The following AGAP1 variants were observed in gnomAD, a reference collection of about 807,000 sequenced individuals.
AGAP1 encodes the protein ArfGAP with GTPase domain, ankyrin repeat and PH domain 1, also known as arf-GAP with GTPase, ANK repeat and PH domain-containing protein 1.
AGAP1 carries 29 observed loss-of-function variants against 105.3 expected under a neutral mutation model. The observed-to-expected ratio is 0.28, with a 90% CI of 0.21 to 0.38. The LOEUF (loss-of-function observed/expected upper bound fraction) is 0.38, where lower values mean the gene tolerates loss of function less well. Among genes scored for constraint, AGAP1 ranks in the 10% least tolerant of loss-of-function variants. The pLI, the probability that AGAP1 is intolerant of heterozygous loss-of-function variation, is 1.00. For synonymous variants in AGAP1, 509 were observed against 485.9 expected (o/e 1.05, Z -0.63); for missense variants, 998 against 1,165.1 (o/e 0.86, Z 2.09).
intron 6 of AGAP1, chr2:235,773,967 A>G (rs1955660343): frequency 6.4e-6 from 3 of 470,802 alleles, no homozygotes; most frequent in Non-Finnish European, 1.3e-5. Flanking sequence ...CCATTCAGCC[A>G]ACTTTTTTTC....
At chr2:235,915,295 G>T (rs2051818332) in intron 11 of AGAP1, among the ~76,000 whole-genome samples, 1 of 152,164 alleles carries the variant, frequency 6.6e-6, no homozygotes, top group Non-Finnish European at 1.5e-5. Flanking sequence ...TAGTGAAAGG[G>T]AATTTAAAAG....
At chr2:235,534,247 A>G (rs576440577) in intron 1 of AGAP1, among the ~76,000 whole-genome samples, 1 of 152,302 alleles carries the variant, frequency 6.6e-6, no homozygotes, top group African/African-American at 2.4e-5. Flanking sequence ...TAGCGTGCGC[A>G]TGGTGGGGAT....
rs745884661 is a variant in AGAP1 at position 235,709,192 on chromosome 2, C to T, written c.177C>T (p.Asn59=). The change falls in exon 2 of 18, where the codon AAC becomes AAT. Residue 59 remains asparagine (N), a synonymous_variant. Coordinates refer to ENST00000304032, the MANE Select transcript of AGAP1 (RefSeq NM_001037131.3). ...CCTCTTTTTCAGATGCCTTCGTGAA[C>T]AGCCAGGAATGGACGCTGAGTCGAT... is the stretch of plus-strand genomic sequence containing the variant. ...HVIAIEDAFV[N]SQEWTLSRSV... 5.0e-6 allele frequency: 8 copies of T among 1,613,966 alleles called. No homozygotes were observed. Among genetic ancestry groups the T allele is most frequent in the African/African-American group, 4.0e-5 (3 of 74,892 alleles).
chr2:235,859,400 C>T (rs796494360), intron 9 of AGAP1, among the ~76,000 whole-genome samples: 1 of 85,704 alleles, frequency 1.2e-5, no homozygotes, highest in South Asian at 7.0e-4. Flanking sequence ...ACCTCCCCCC[C>T]CCCCCCCGCC....
chr2:236,081,688 G>A (rs537952175), intron 16 of AGAP1, among the ~76,000 whole-genome samples: 5 of 144,386 alleles, frequency 3.5e-5, no homozygotes, highest in African/African-American at 1.3e-4. Context: ...TTTTTTTGCA[G>A]GGCAATTATC....
chr2:235,869,514 T>C (rs1264047596), intron 9 of AGAP1, among the ~76,000 whole-genome samples: 1 of 145,536 alleles, frequency 6.9e-6, no homozygotes, highest in East Asian at 2.2e-4. Context: ...GGCAGGAGAA[T>C]CACTTGAACC....
intron 6 of AGAP1, among the ~76,000 whole-genome samples, chr2:235,756,051 C>A (rs754088584): frequency 6.6e-6 from 1 of 152,178 alleles, no homozygotes; most frequent in Non-Finnish European, 1.5e-5. Context: ...ACACGTGCAC[C>A]TTGGGAGGAA....
Position 235,882,315 on chromosome 2 carries a change from A to T in AGAP1, c.1051-1030A>T. On this transcript the variant is annotated intron_variant, in intron 9 of 17. Coordinates refer to ENST00000304032, the MANE Select transcript of AGAP1 (RefSeq NM_001037131.3). This position sits in a 1 kb window ranked among gnomAD's most constrained non-coding sequence, Gnocchi z 4.6. ...TTGCAGGTCGCTCTTCCTCCACATC[A>T]CAACTGGGGTCTTAAGGATGACGAG... is the stretch of plus-strand genomic sequence containing the variant. 2.4e-6 allele frequency: 2 copies of T among 841,764 alleles called. No individual in the cohort carries two copies. Among genetic ancestry groups the T allele is most frequent in the East Asian group, 3.2e-5 (1 of 31,146 alleles). 52.1% of individuals were successfully genotyped at this position (841,764 alleles called of 1,614,324 possible). A position where few individuals can be genotyped will look rare whatever the true frequency, so the allele number is the denominator to read the frequency against.
intron 1 of AGAP1, among the ~76,000 whole-genome samples, chr2:235,543,534 C>T (rs1474431692): frequency 6.6e-6 from 1 of 152,206 alleles, no homozygotes; most frequent in Non-Finnish European, 1.5e-5. Context: ...AAGAACCGTG[C>T]TGGATTGAGC....
chr2:235,991,080 G>A (rs1276865325), intron 13 of AGAP1, among the ~76,000 whole-genome samples: 1 of 152,154 alleles, frequency 6.6e-6, no homozygotes, highest in African/African-American at 2.4e-5. Context: ...CTTAAACTGA[G>A]TACTTGTTTG....
At chr2:235,969,614 T>C (rs1199363091) in intron 13 of AGAP1, among the ~76,000 whole-genome samples, 1 of 152,212 alleles carries the variant, frequency 6.6e-6, no homozygotes, top group Non-Finnish European at 1.5e-5. Context: ...ACCTGCGAGC[T>C]GTCAGACAGT....
intron 16 of AGAP1, among the ~76,000 whole-genome samples, chr2:236,075,226 A>G (rs571430975): frequency 6.6e-6 from 1 of 152,134 alleles, no homozygotes; most frequent in Non-Finnish European, 1.5e-5. Context: ...GTTCTAAACC[A>G]GATTCTGGTG....
chr2:235,996,631 C>G (rs1016069476), intron 13 of AGAP1, among the ~76,000 whole-genome samples: 6 of 152,234 alleles, frequency 3.9e-5, no homozygotes, highest in South Asian at 2.1e-4. Flanking sequence ...TGTTCACCAT[C>G]AAGCGGCAGT....
At chr2:235,575,493 C>T (rs1467757920) in intron 1 of AGAP1, among the ~76,000 whole-genome samples, 1 of 152,212 alleles carries the variant, frequency 6.6e-6, no homozygotes, top group African/African-American at 2.4e-5. Context: ...AACTGGAAGG[C>T]TTTCTCCTTT....
chr2:235,851,749 A>G (rs1002633791), intron 9 of AGAP1, among the ~76,000 whole-genome samples: 1 of 152,148 alleles, frequency 6.6e-6, no homozygotes, highest in African/African-American at 2.4e-5. Flanking sequence ...GCTCGCCATA[A>G]AAATAATTGA....
rs1371785305 is a variant in AGAP1 at position 235,889,055 on chromosome 2, G to A, written c.1155+5606G>A. Among the ~76,000 whole-genome samples, 1 of 152,208 alleles carries A rather than the reference G, an allele frequency of 6.6e-6. No individual in the cohort carries two copies. Among genetic ancestry groups the A allele is most frequent in the Admixed American group, 6.5e-5 (1 of 15,294 alleles). On this transcript the variant is annotated intron_variant, in intron 10 of 17. Transcript: ENST00000304032. The surrounding 1 kb of genome is among the most constrained non-coding windows in gnomAD (Gnocchi z 4.6). ...AACACAGTTTGCTTATTGCACAAGT[G>A]TCCACGGAAGTGTTTGTGTGAAAGA... is the stretch of plus-strand genomic sequence containing the variant.
chr2:235,924,155 T>C (rs1467741270), intron 11 of AGAP1, among the ~76,000 whole-genome samples: 9 of 152,144 alleles, frequency 5.9e-5, no homozygotes, highest in Non-Finnish European at 1.3e-4. Context: ...AGATACTACC[T>C]TAAGTCTAAG....
Position 235,535,172 on chromosome 2 carries a change from C to T in AGAP1, c.163+40323C>T, listed in dbSNP as rs1252336101. On this transcript the variant is annotated intron_variant, in intron 1 of 17. Coordinates refer to ENST00000304032, the MANE Select transcript of AGAP1 (RefSeq NM_001037131.3). The surrounding 1 kb of genome is among the most constrained non-coding windows in gnomAD (Gnocchi z 5.1). ...GCAGCCCAGGTCAGCCTCCCTCCAC[C>T]GGGCCACCCGCACCAGGTTGCCTCC... Among the ~76,000 whole-genome samples the T allele has an allele frequency of 2.6e-5, 4 of 152,020 alleles. No individual in the cohort carries two copies. Among genetic ancestry groups the T allele is most frequent in the East Asian group, 1.9e-4 (1 of 5,154 alleles).
intron 1 of AGAP1, among the ~76,000 whole-genome samples, chr2:235,567,093 C>T (rs893726596): frequency 1.3e-5 from 2 of 152,176 alleles, no homozygotes; most frequent in African/African-American, 2.4e-5. Flanking sequence ...AGCCTGGTTG[C>T]GGGGACTGTG....
Sources: allele counts gnomAD v4.1 joint callset (sites outside exome capture counted in the v4.1 genomes callset), GRCh38; gene constraint gnomAD v4.1.1; non-coding constraint Gnocchi (gnomAD v3.1); transcripts MANE v1.5; gene names NCBI Gene and HGNC (gene_info 2026-07-23, HGNC 2026-07-21).